Variants in EFNA1 observed in about 807,000 individuals in gnomAD.
EFNA1 encodes ephrin-A1.
A neutral mutation model predicts 23.2 loss-of-function variants in EFNA1; 8 were observed. The ratio of observed to expected loss-of-function variants is 0.34; its 90% CI spans 0.20 to 0.62. EFNA1 has a LOEUF of 0.62. Ranked by LOEUF, EFNA1 falls within the 20% of genes least tolerant of loss-of-function variation. The pLI, the probability that EFNA1 is intolerant of heterozygous loss-of-function variation, is 0.75. For missense variants in EFNA1, 217 were observed against 260.0 expected (o/e 0.83, Z 1.14); for synonymous variants, 89 against 98.6 (o/e 0.90, Z 0.58).
At chr1:155,130,651 A>G (rs1034955647) in intron 1 of EFNA1, 2 of 985,336 alleles carry the variant, frequency 2.0e-6, no homozygotes, top group Non-Finnish European at 2.4e-6. Context: ...AGACCAGTGT[A>G]TAACTTTGAG....
In EFNA1 at chr1:155,127,986, C is replaced by T. The variant is rs1201433141; in HGVS notation, c.9C>T (p.Phe3=). Residue 3 remains phenylalanine (F), a synonymous_variant, in exon 1 of 5, where the codon TTC becomes TTT. Transcript: ENST00000368407. This position sits in a 1 kb window ranked among gnomAD's most constrained non-coding sequence, Gnocchi z 4.4. ...TGGCCAGGCCCCGCGCTATGGAGTTCCTCTGGGCCCCTCTCTTGGGTCTGT... is the reference window on the plus strand; with the variant it reads ...TGGCCAGGCCCCGCGCTATGGAGTTTCTCTGGGCCCCTCTCTTGGGTCTGT... ME[F]LWAPLLGLCC... The T allele has an allele frequency of 6.2e-7, 1 of 1,612,924 alleles. No homozygotes were observed. The highest frequency in any genetic ancestry group is 8.5e-7 in the Non-Finnish European group (1 of 1,179,932).
At chr1:155,130,960 G>A (rs1284470790) in intron 1 of EFNA1, 5 of 985,260 alleles carry the variant, frequency 5.1e-6, no homozygotes, top group Non-Finnish European at 6.0e-6. Context: ...CATTTAAAAG[G>A]AGCAACTGGT....
At position 155,129,086 on chromosome 1, in the gene EFNA1, T is replaced by C. The variant is rs12086853; in HGVS notation, c.92+1017T>C. Among the ~76,000 whole-genome samples, 889 of 152,268 alleles carry C rather than the reference T, an allele frequency of 5.8e-3. 7 individuals are homozygous for C. The highest frequency in any genetic ancestry group is 0.02 in the African/African-American group (850 of 41,554). On this transcript the variant is annotated intron_variant, in intron 1 of 4. Transcript: ENST00000368407. The stretch of plus-strand genomic sequence containing the variant: ...GTCTGGTGAGGCAGTCTGTTGTCTG[T>C]GGCTTGTTAGGGTGGGGGAGAGAAC...
chr1:155,134,078 C>G lies in EFNA1; in HGVS notation c.*11C>G, dbSNP rs1254258538. On this transcript the variant is annotated 3_prime_UTR_variant, in exon 5 of 5. Coordinates refer to ENST00000368407, the MANE Select transcript of EFNA1 (RefSeq NM_004428.3). ...CTGCAAACCCCGTGAAGGTGTATGC[C>G]ACACCTGGCCTTAAAGAGGGACAGG... 3.1e-6 allele frequency: 5 copies of G among 1,611,904 alleles called. No homozygotes were observed. Among genetic ancestry groups the G allele is most frequent in the Non-Finnish European group, 4.2e-6 (5 of 1,178,722 alleles).
intron 2 of EFNA1, among the ~76,000 whole-genome samples, 185 bp downstream of exon 2, chr1:155,131,819 G>T (rs1264673404): frequency 6.6e-6 from 1 of 152,120 alleles, no homozygotes; most frequent in East Asian, 1.9e-4. Flanking sequence ...TTAGCGCTAT[G>T]AGCACAAAGA....
In EFNA1 at chr1:155,127,929, G is replaced by C. The variant is rs202188712; in HGVS notation, c.-49G>C. The C allele has an allele frequency of 5.4e-6, 8 of 1,482,210 alleles. No homozygotes were observed. The highest frequency in any genetic ancestry group is 1.4e-5 in the African/African-American group (1 of 72,466). The allele number at this position is 1,482,210 out of a possible 1,614,324, so 91.8% of individuals were successfully genotyped here. ...CGCGGAGAAAGCCAGTGGGAACCCA[G>C]ACCCATAGGAGACCCGCGTCCCCGC... On this transcript the variant is annotated 5_prime_UTR_variant, in exon 1 of 5. Transcript: ENST00000368407. This position sits in a 1 kb window ranked among gnomAD's most constrained non-coding sequence, Gnocchi z 4.4.
chr1:155,131,106 GTGAATGCTATT>G, intron 1 of EFNA1: 1 of 1,355,098 alleles, frequency 7.4e-7, no homozygotes. Context: ...AAGATACTGA[GTGAATGCTATT>G]TGAAGGACCA....
chr1:155,130,655 C>CT (rs1335129690), intron 1 of EFNA1: 2 of 985,058 alleles, frequency 2.0e-6, no homozygotes, highest in Non-Finnish European at 2.4e-6. Context: ...CAGTGTATAA[C>CT]TTTGAGTAGC....
chr1:155,130,071 G>A (rs1664197950), intron 1 of EFNA1, among the ~76,000 whole-genome samples: 2 of 152,234 alleles, frequency 1.3e-5, no homozygotes, highest in African/African-American at 2.4e-5. Flanking sequence ...CTTTTCCCCA[G>A]GGTGGGGGAG....
chr1:155,134,430 G>A lies in EFNA1; in HGVS notation c.*363G>A. The A allele has an allele frequency of 3.2e-6, 1 of 311,112 alleles. No individual in the cohort carries two copies. The highest frequency in any genetic ancestry group is 3.3e-5 in the South Asian group (1 of 30,448). The allele number at this position is 311,112 out of a possible 1,614,324, so 19.3% of individuals were successfully genotyped here. On this transcript the variant is annotated 3_prime_UTR_variant, in exon 5 of 5. Transcript: ENST00000368407. ...ACGTGGATGGGCAAAGCTTGTCAAAGATGCCCCCTCCAGGAGAGAGCCAGG... is the reference window on the plus strand; with the variant it reads ...ACGTGGATGGGCAAAGCTTGTCAAAAATGCCCCCTCCAGGAGAGAGCCAGG...
chr1:155,127,935 T>C lies in EFNA1; in HGVS notation c.-43T>C. The C allele has an allele frequency of 1.3e-6, 2 of 1,527,576 alleles. No homozygotes were observed. The highest frequency in any genetic ancestry group is 1.8e-6 in the Non-Finnish European group (2 of 1,108,548). The allele number at this position is 1,527,576 out of a possible 1,614,324, so 94.6% of individuals were successfully genotyped here. On this transcript the variant is annotated 5_prime_UTR_variant, in exon 1 of 5. Coordinates refer to ENST00000368407, the MANE Select transcript of EFNA1 (RefSeq NM_004428.3). This position sits in a 1 kb window ranked among gnomAD's most constrained non-coding sequence, Gnocchi z 4.4. ...GAAAGCCAGTGGGAACCCAGACCCA[T>C]AGGAGACCCGCGTCCCCGCTCGGCC...
In EFNA1 at chr1:155,127,987, C is replaced by T. The variant is rs779147208; in HGVS notation, c.10C>T (p.Leu4Phe). The T allele has an allele frequency of 2.4e-5, 39 of 1,613,060 alleles. No individual in the cohort carries two copies. The highest frequency in any genetic ancestry group is 3.0e-5 in the Non-Finnish European group (35 of 1,179,960). The change falls in exon 1 of 5, where the codon CTC becomes TTC. Residue 4 changes from leucine to phenylalanine, a missense_variant. Transcript: ENST00000368407. The surrounding 1 kb of genome is among the most constrained non-coding windows in gnomAD (Gnocchi z 4.4). The part of the protein sequence containing the change: MEF[L>F]WAPLLGLCCS... ...GGCCAGGCCCCGCGCTATGGAGTTCCTCTGGGCCCCTCTCTTGGGTCTGTG... is the reference window on the plus strand; with the variant it reads ...GGCCAGGCCCCGCGCTATGGAGTTCTTCTGGGCCCCTCTCTTGGGTCTGTG...
At chr1:155,128,401 AC>A (rs1180377953) in intron 1 of EFNA1, among the ~76,000 whole-genome samples, 2 of 111,460 alleles carry the variant, frequency 1.8e-5, no homozygotes, top group South Asian at 2.9e-4. Context: ...CAGGCCCCCC[AC>A]CCCCCCACTG....
At chr1:155,129,085 G>A (rs1266124913) in intron 1 of EFNA1, among the ~76,000 whole-genome samples, 1 of 152,204 alleles carries the variant, frequency 6.6e-6, no homozygotes, top group African/African-American at 2.4e-5. Context: ...TCTGTTGTCT[G>A]TGGCTTGTTA....
rs546765091 is a variant in EFNA1, at chr1:155,131,552, G to A, written c.306G>A (p.Glu102=). The A allele has an allele frequency of 7.7e-5, 125 of 1,613,886 alleles. 4 individuals carry two copies. In the South Asian group the frequency reaches 1.1e-3, roughly 15 times the overall value. The change falls in exon 2 of 5, where the codon GAG becomes GAA. Residue 102 remains glutamate, a synonymous_variant. Transcript: ENST00000368407. The part of the protein sequence containing the change: ...CNRPSAKHGP[E]KLSEKFQRFT... ...GGCCCAGTGCCAAGCATGGCCCGGA[G>A]AAGCTGTCTGAGAAGTTCCAGCGCT...
intron 1 of EFNA1, chr1:155,130,592 G>C: frequency 2.0e-6 from 2 of 985,352 alleles, no homozygotes; most frequent in Non-Finnish European, 2.4e-6. Flanking sequence ...GTGGCTTTTA[G>C]AGATAAAAGG....
At position 155,134,853 on chromosome 1, in the gene EFNA1, T is replaced by G. The variant is rs150889956; in HGVS notation, c.*786T>G. 1.3e-5 allele frequency: 2 copies of G among 153,340 alleles called. No individual in the cohort carries two copies. The highest frequency in any genetic ancestry group is 3.8e-4 in the East Asian group (2 of 5,332). 9.5% of individuals were successfully genotyped at this position (153,340 alleles called of 1,614,324 possible). ...TCTCAAAATAAAGCAATGTGTTTTTTCGGACATGCTTTTCTGCCACTCCAT... is the reference window on the plus strand; with the variant it reads ...TCTCAAAATAAAGCAATGTGTTTTTGCGGACATGCTTTTCTGCCACTCCAT... On this transcript the variant is annotated 3_prime_UTR_variant, in exon 5 of 5. Transcript: ENST00000368407.
At chr1:155,128,151 A>T in intron 1 of EFNA1, 82 bp downstream of exon 1, 1 of 1,274,536 alleles carries the variant, frequency 7.8e-7, no homozygotes. Flanking sequence ...CCAAACCCTG[A>T]GCTGAGCCTA....
chr1:155,130,195 T>A (rs1664201253), intron 1 of EFNA1, among the ~76,000 whole-genome samples: 1 of 152,218 alleles, frequency 6.6e-6, no homozygotes, highest in African/African-American at 2.4e-5. Context: ...GCCTGACTCC[T>A]TCCTCGCCCT....
Sources: allele counts gnomAD v4.1 joint callset (sites outside exome capture counted in the v4.1 genomes callset), GRCh38; gene constraint gnomAD v4.1.1; non-coding constraint Gnocchi (gnomAD v3.1); transcripts MANE v1.5; gene names NCBI Gene and HGNC (gene_info 2026-07-23, HGNC 2026-07-21).